The following MDN1 variants were observed in gnomAD, a reference collection of about 807,000 sequenced individuals.
MDN1 encodes midasin.
Under a neutral mutation model 669.2 loss-of-function variants are expected in MDN1, and 266 were observed. The ratio of observed to expected loss-of-function variants is 0.40; its 90% confidence interval spans 0.36 to 0.44. The LOEUF (loss-of-function observed/expected upper bound fraction) is 0.44. Among genes scored for constraint, MDN1 ranks in the 20% least tolerant of loss-of-function variants. The pLI, the probability that MDN1 is intolerant of heterozygous loss-of-function variation, is 1.00. For missense variants in MDN1, 5,940 were observed against 6,754.0 expected (o/e 0.88, Z 4.22); for synonymous variants, 2,385 against 2,457.1 (o/e 0.97, Z 0.87).
rs1178173247 is a variant in MDN1 at position 89,815,050 on chromosome 6, C to T, written c.102+4456G>A. The T allele has an allele frequency of 1.4e-5, 7 of 497,002 alleles. No individual in the cohort carries two copies. In the East Asian group the frequency reaches 2.4e-4, roughly 17 times the overall value. 30.8% of individuals were successfully genotyped at this position (497,002 alleles called of 1,614,324 possible). On this transcript the variant is annotated intron_variant, in intron 1 of 101. Transcript: ENST00000369393. ...GGCCAGGAGGAGGAAGAAAGGGGTA[C>T]AAAAGGGAGAGCAGTGTCTCCCCAA...
intron 69 of MDN1, among the ~76,000 whole-genome samples, chr6:89,686,577 G>A (rs1584188009): frequency 1.3e-5 from 2 of 152,336 alleles, no homozygotes; most frequent in Middle Eastern, 6.8e-3. Flanking sequence ...AAGCATGTTG[G>A]CTACTACCTA....
intron 24 of MDN1, 85 bp downstream of exon 24, chr6:89,750,269 A>G (rs1426551348): frequency 2.9e-6 from 4 of 1,376,422 alleles, no homozygotes; most frequent in East Asian, 2.3e-5. Context: ...ATGTGCCTCA[A>G]TTGGAAAGGA....
At position 89,803,393 on chromosome 6, in the gene MDN1, A is replaced by G; in HGVS notation, c.264T>C (p.His88=). ...EAIKAGGQIN[H]DLHERLCVSM... The stretch of plus-strand genomic sequence containing the variant: ...ACACACATAGCCGTTCATGCAGATC[A>G]TGGTTGATTTGGCCTCCAGCTTTAA... Residue 88 remains histidine, a synonymous_variant, in exon 2 of 102, where the codon CAT becomes CAC. Transcript: ENST00000369393. 2 of 1,614,066 alleles carry G rather than the reference A, an allele frequency of 1.2e-6. No homozygotes were observed. The highest frequency in any genetic ancestry group is 8.5e-7 in the Non-Finnish European group (1 of 1,180,020).
At chr6:89,781,169 C>T (rs1818653087) in intron 10 of MDN1, 2 of 557,850 alleles carry the variant, frequency 3.6e-6, no homozygotes, top group African/African-American at 1.9e-5. Context: ...CTAATCGAGC[C>T]TTCCCAGTCA....
chr6:89,677,184 C>T (rs375819408), intron 76 of MDN1, among the ~76,000 whole-genome samples: 5 of 152,092 alleles, frequency 3.3e-5, no homozygotes, highest in African/African-American at 9.6e-5. Flanking sequence ...CTCCACCTCC[C>T]AGGTTCAAGT....
chr6:89,818,220 G>C (rs1392585743), intron 1 of MDN1, among the ~76,000 whole-genome samples: 3 of 147,934 alleles, frequency 2.0e-5, no homozygotes, highest in Non-Finnish European at 4.5e-5. Flanking sequence ...TCGGGAGGTT[G>C]AGACAGAAGA....
At chr6:89,673,523 C>T in intron 79 of MDN1, 61 bp from the exon 80 acceptor site, 1 of 1,422,874 alleles carries the variant, frequency 7.0e-7, no homozygotes, top group Non-Finnish European at 9.8e-7. Context: ...AACACACACC[C>T]CTCCCTGCAA....
intron 11 of MDN1, among the ~76,000 whole-genome samples, chr6:89,778,522 C>A (rs889293618): frequency 2.6e-5 from 4 of 151,902 alleles, no homozygotes; most frequent in Non-Finnish European, 5.9e-5. Context: ...CCTACATATT[C>A]CTGGGGGATT....
chr6:89,707,216 T>C (rs931886802), intron 52 of MDN1, 145 bp downstream of exon 52: 10 of 625,418 alleles, frequency 1.6e-5, no homozygotes, highest in African/African-American at 1.5e-4. Flanking sequence ...GTCATTACTA[T>C]TGAGTAAGGG....
At chr6:89,678,285 CA>C (rs1204004785) in intron 75 of MDN1, among the ~76,000 whole-genome samples, 1 of 152,134 alleles carries the variant, frequency 6.6e-6, no homozygotes. Context: ...GCTGAGATCA[CA>C]CCGCTGCACT....
At chr6:89,667,116 G>T (rs1218838455) in intron 84 of MDN1, among the ~76,000 whole-genome samples, 1 of 152,066 alleles carries the variant, frequency 6.6e-6, no homozygotes, top group Non-Finnish European at 1.5e-5. Flanking sequence ...AAATTGTTCT[G>T]GAAGCTTTTT....
intron 95 of MDN1, among the ~76,000 whole-genome samples, chr6:89,651,490 C>A (rs529213909): frequency 7.2e-5 from 11 of 152,202 alleles, no homozygotes; most frequent in Non-Finnish European, 1.3e-4. Context: ...GTGGCAAGTG[C>A]CTGTAATCCC....
intron 69 of MDN1, 53 bp from the exon 70 acceptor site, chr6:89,686,026 A>T: frequency 6.4e-7 from 1 of 1,555,236 alleles, no homozygotes; most frequent in Non-Finnish European, 8.7e-7. Flanking sequence ...ATGACTCCCT[A>T]TTCCTAACAT....
At chr6:89,792,680 T>C (rs1342311994) in intron 5 of MDN1, among the ~76,000 whole-genome samples, 1 of 151,990 alleles carries the variant, frequency 6.6e-6, no homozygotes, top group African/African-American at 2.4e-5. Flanking sequence ...TTTAATTTTT[T>C]TTTTTTTTTA....
chr6:89,758,369 C>G lies in MDN1; in HGVS notation c.2606-18G>C. 6.4e-7 allele frequency: 1 copy of G among 1,572,310 alleles called. No homozygotes were observed. Among genetic ancestry groups the G allele is most frequent in the Non-Finnish European group, 8.7e-7 (1 of 1,150,472 alleles). ...CAGTGGCTCTGTTAAGAGAAAATTA[C>G]AAATTCTCAACAAAGGTATGATTAT... On this transcript the variant is annotated intron_variant, in intron 18 of 101. Transcript: ENST00000369393.
At position 89,754,189 on chromosome 6, in the gene MDN1, A is replaced by G; in HGVS notation, c.2858T>C (p.Val953Ala). 6.2e-7 allele frequency: 1 copy of G among 1,614,116 alleles called. No homozygotes were observed. The highest frequency in any genetic ancestry group is 8.5e-7 in the Non-Finnish European group (1 of 1,179,984). Residue 953 changes from valine to alanine, a missense_variant, in exon 21 of 102, where the codon GTG becomes GCG. This residue lies in a region of MDN1 where 1,203 missense variants were observed against 1,268.9 expected (regional missense o/e 0.95). Coordinates refer to ENST00000369393, the MANE Select transcript of MDN1 (RefSeq NM_014611.3). ...GTGAGGTCTATGGCCAGTGCCATCC[A>G]CCAGTTTGGTCCCAGACTCTTTCCG... ...ALRKESGTKL[V>A]DGTGHRPHYS...
intron 76 of MDN1, among the ~76,000 whole-genome samples, chr6:89,676,996 A>T (rs1811237254): frequency 7.3e-6 from 1 of 137,028 alleles, no homozygotes; most frequent in Non-Finnish European, 1.5e-5. Context: ...AAGCAAGTAG[A>T]CCTCAGGAAA....
In MDN1 at chr6:89,662,239, C is replaced by T. The variant is rs1015824680; in HGVS notation, c.14413G>A (p.Glu4805Lys). ...TEETGPGMDE[E>K]DSELVAKDDN... ...TCTTTAGCAACAAGTTCAGAATCTTCCTAAATGTCAGAGGAAGAAAAAACA... is the reference window on the plus strand; with the variant it reads ...TCTTTAGCAACAAGTTCAGAATCTTTCTAAATGTCAGAGGAAGAAAAAACA... The change falls in exon 87 of 102, where the codon GAA becomes AAA. Residue 4805 changes from glutamate (E) to lysine (K), a missense_variant and splice_region_variant. Glu to Lys is a moderately conservative substitution (Grantham distance 56). This residue lies in a region of MDN1 where 2,280 missense variants were observed against 2,576.3 expected (regional missense o/e 0.88). Coordinates refer to ENST00000369393, the MANE Select transcript of MDN1 (RefSeq NM_014611.3). 8 of 1,604,494 alleles carry T rather than the reference C, an allele frequency of 5.0e-6. No individual in the cohort carries two copies. Among genetic ancestry groups the T allele is most frequent in the Middle Eastern group, 1.7e-4 (1 of 5,998 alleles).
At chr6:89,713,345 C>T in intron 46 of MDN1, 49 bp from the exon 47 acceptor site, 2 of 1,496,438 alleles carry the variant, frequency 1.3e-6, no homozygotes, top group Non-Finnish European at 1.8e-6. Flanking sequence ...TTTAAAATCT[C>T]CAATGAAAAT....
Sources: gnomAD v4.1 joint callset for allele counts (sites outside exome capture counted in the v4.1 genomes callset) on GRCh38, gnomAD v4.1.1 for gene constraint, gnomAD v4.1.1 regional missense constraint, MANE v1.5 for transcripts, NCBI Gene and HGNC (gene_info 2026-07-23, HGNC 2026-07-21) for gene names.